The following GLI2 variants were observed in gnomAD, a reference collection of about 807,000 sequenced individuals.
GLI2 encodes transcription activator GLI2.
Under a neutral mutation model 78.9 loss-of-function variants are expected in GLI2, and 22 were observed. That is an observed-to-expected ratio of 0.28 (90% confidence interval 0.20 to 0.40). The LOEUF (loss-of-function observed/expected upper bound fraction) is 0.40. Among genes scored for constraint, GLI2 ranks in the 10% least tolerant of loss-of-function variants. The pLI is 1.00. For missense variants in GLI2, 2,097 were observed against 2,213.2 expected (o/e 0.95, Z 1.05); for synonymous variants, 974 against 963.7 (o/e 1.01, Z -0.20).
At chr2:120,918,404 T>C (rs17005388) in intron 2 of GLI2, among the ~76,000 whole-genome samples, 5,914 of 152,038 alleles carry the variant, frequency 0.039, 350 homozygotes, top group African/African-American at 0.13. Flanking sequence ...TATGACTTAT[T>C]AGGGGTTTCT....
At chr2:120,886,209 T>C (rs984492379) in intron 2 of GLI2, among the ~76,000 whole-genome samples, 297 of 32,644 alleles carry the variant, frequency 9.1e-3, no homozygotes, top group South Asian at 0.024. Flanking sequence ...TGTGTGTGTG[T>C]GCGTGTATAT....
At chr2:120,829,064 G>A (rs973181402) in intron 2 of GLI2, among the ~76,000 whole-genome samples, 2 of 147,904 alleles carry the variant, frequency 1.4e-5, no homozygotes, top group South Asian at 2.3e-4. Context: ...AGTCACACAC[G>A]TACGCATGCA....
At chr2:120,976,896 C>G (rs1269058228) in intron 9 of GLI2, among the ~76,000 whole-genome samples, 1 of 152,216 alleles carries the variant, frequency 6.6e-6, no homozygotes, top group East Asian at 1.9e-4. Context: ...GCTGGAGCCC[C>G]TGGTCGATTA....
At chr2:120,850,638 C>G (rs1687360929) in intron 2 of GLI2, among the ~76,000 whole-genome samples, 1 of 152,226 alleles carries the variant, frequency 6.6e-6, no homozygotes, top group African/African-American at 2.4e-5. Context: ...GGAATGATAG[C>G]AAGGCCGGGG....
chr2:120,934,635 G>A (rs1680107380), intron 3 of GLI2, among the ~76,000 whole-genome samples: 1 of 152,152 alleles, frequency 6.6e-6, no homozygotes, highest in African/African-American at 2.4e-5. Flanking sequence ...TGGGCATGGG[G>A]GCCTCACCTC....
chr2:120,867,999 A>T (rs1429037977), intron 2 of GLI2, among the ~76,000 whole-genome samples: 1 of 152,134 alleles, frequency 6.6e-6, no homozygotes, highest in African/African-American at 2.4e-5. Flanking sequence ...TCACACTGTC[A>T]GCCGTAGGCG....
intron 2 of GLI2, among the ~76,000 whole-genome samples, chr2:120,923,697 GACAC>G (rs750827432): frequency 2.0e-5 from 3 of 151,752 alleles, no homozygotes; most frequent in Admixed American, 1.3e-4. Context: ...TACATATAAA[GACAC>G]ACACGTACTA....
intron 2 of GLI2, among the ~76,000 whole-genome samples, chr2:120,924,450 A>G (rs1679560583): frequency 6.6e-6 from 1 of 152,166 alleles, no homozygotes; most frequent in South Asian, 2.1e-4. Flanking sequence ...GCCATGAATC[A>G]TTCTTGGCTT....
intron 2 of GLI2, among the ~76,000 whole-genome samples, chr2:120,854,023 A>G (rs942783651): frequency 2.2e-5 from 3 of 136,228 alleles, no homozygotes; most frequent in African/African-American, 5.9e-5. Flanking sequence ...ACCAGCATTT[A>G]TCAAACACCT....
chr2:120,889,593 A>G (rs973005804), intron 2 of GLI2, among the ~76,000 whole-genome samples: 26 of 152,216 alleles, frequency 1.7e-4, no homozygotes, highest in African/African-American at 5.8e-4. Context: ...ATACCTGACA[A>G]GGGACTAGTA....
intron 2 of GLI2, among the ~76,000 whole-genome samples, chr2:120,866,206 G>T (rs914338542): frequency 3.3e-5 from 5 of 152,342 alleles, no homozygotes; most frequent in African/African-American, 1.2e-4. Flanking sequence ...ATAGGGTAGG[G>T]CTGGAGCTTG....
intron 2 of GLI2, among the ~76,000 whole-genome samples, chr2:120,852,615 G>C (rs1230725280): frequency 6.6e-6 from 1 of 152,194 alleles, no homozygotes; most frequent in Non-Finnish European, 1.5e-5. Flanking sequence ...TATGTGGTTG[G>C]TTTGAGGAAG....
chr2:120,813,971 G>A (rs922978643), intron 2 of GLI2, among the ~76,000 whole-genome samples: 4 of 152,006 alleles, frequency 2.6e-5, no homozygotes, highest in Non-Finnish European at 4.4e-5. Context: ...GGTGAGACGG[G>A]AGGAAAGCAC....
At chr2:120,965,984 C>T (rs1266670152) in intron 5 of GLI2, among the ~76,000 whole-genome samples, 1 of 152,220 alleles carries the variant, frequency 6.6e-6, no homozygotes, top group Non-Finnish European at 1.5e-5. Flanking sequence ...GCTCTGCTTA[C>T]TAAAATATCT....
At chr2:120,772,411 AG>A (rs1237287895) in intron 1 of GLI2, among the ~76,000 whole-genome samples, 5 of 152,212 alleles carry the variant, frequency 3.3e-5, no homozygotes, top group Non-Finnish European at 5.9e-5. Flanking sequence ...CAGAGGTCAT[AG>A]AGCACACTTG....
intron 2 of GLI2, among the ~76,000 whole-genome samples, chr2:120,915,798 A>T (rs1175343457): frequency 6.6e-6 from 1 of 152,146 alleles, no homozygotes. Flanking sequence ...ACCATCGAAA[A>T]GCACAGACCC....
intron 2 of GLI2, among the ~76,000 whole-genome samples, chr2:120,926,207 A>G (rs751236927): frequency 6.8e-6 from 1 of 147,996 alleles, no homozygotes; most frequent in Non-Finnish European, 1.5e-5. Context: ...AGTTAGTAGC[A>G]TTATTTTTCT....
At chr2:120,915,794 G>A (rs1295834929) in intron 2 of GLI2, among the ~76,000 whole-genome samples, 1 of 152,134 alleles carries the variant, frequency 6.6e-6, no homozygotes, top group Non-Finnish European at 1.5e-5. Flanking sequence ...ATGTACCATC[G>A]AAAAGCACAG....
chr2:120,773,804 C>T (rs1394966697), intron 1 of GLI2, among the ~76,000 whole-genome samples: 3 of 152,022 alleles, frequency 2.0e-5, no homozygotes, highest in African/African-American at 7.2e-5. Context: ...GGGAGATGTG[C>T]TTCAGCGGTG....
Sources: gnomAD v4.1 joint callset for allele counts (sites outside exome capture counted in the v4.1 genomes callset) on GRCh38, gnomAD v4.1.1 for gene constraint, MANE v1.5 for transcripts, NCBI Gene and HGNC (gene_info 2026-07-23, HGNC 2026-07-21) for gene names.